The following PLAGL1 variants were observed in gnomAD, a reference collection of about 807,000 sequenced individuals.
The protein encoded by PLAGL1 is zinc finger protein PLAGL1.
PLAGL1 carries 1 observed loss-of-function variant against 4.6 expected under a neutral mutation model. The observed-to-expected ratio is 0.22, with a 90% CI of 0.08 to 1.03. The LOEUF (loss-of-function observed/expected upper bound fraction) is 1.03, where lower values mean the gene tolerates loss of function less well. Among genes scored for constraint, PLAGL1 ranks in the 50% least tolerant of loss-of-function variants. The probability of loss-of-function intolerance (pLI) is 0.58; values close to 1 mark genes in which losing one functional copy is unlikely to be tolerated. For missense variants in PLAGL1, 464 were observed against 570.4 expected, an observed-to-expected ratio of 0.81 and a Z score of 1.90; for synonymous variants, 240 against 237.8, an observed-to-expected ratio of 1.01 and a Z score of -0.08.
chr6:144,058,211 T>C (rs1799130890), intron 1 of PLAGL1, among the ~76,000 whole-genome samples: 1 of 152,174 alleles, frequency 6.6e-6, no homozygotes, highest in African/African-American at 2.4e-5. Context: ...GGACCCAGCA[T>C]GTCACATGAT....
chr6:143,985,570 AAAT>A lies in PLAGL1; in HGVS notation c.-583-399_-583-397del, dbSNP rs1788829494. Among the ~76,000 whole-genome samples, 1 of 152,120 alleles carries A rather than the reference AAAT, an allele frequency of 6.6e-6. No homozygotes were observed. Among genetic ancestry groups the A allele is most frequent in the African/African-American group, 2.4e-5 (1 of 41,424 alleles). Reference sequence around the variant, plus strand: ...CATTGCACATCTATTTTTAACACTAAAATAATAACAGCCATTTACAAAAAGTAT... The same window carrying A: ...CATTGCACATCTATTTTTAACACTAAAATAACAGCCATTTACAAAAAGTAT... On this transcript the variant is annotated intron_variant, in intron 1 of 7. Transcript: ENST00000674357. The surrounding 1 kb of genome is among the most constrained non-coding windows in gnomAD (Gnocchi z 4.4).
chr6:143,990,568 C>T lies in PLAGL1; in HGVS notation c.-583-5394G>A, dbSNP rs1301560805. On this transcript the variant is annotated intron_variant, in intron 1 of 7. Coordinates refer to ENST00000674357, the MANE Select transcript of PLAGL1 (RefSeq NM_001317162.2). This position sits in a 1 kb window ranked among gnomAD's most constrained non-coding sequence, Gnocchi z 5.4. Reference sequence around the variant, plus strand: ...CCCACTCACTTTCCAACCCATTCCCCAGGCTCTTATCTCTACCACTCTATC... The same window carrying T: ...CCCACTCACTTTCCAACCCATTCCCTAGGCTCTTATCTCTACCACTCTATC... Among the ~76,000 whole-genome samples the T allele has an allele frequency of 6.6e-6, 1 of 152,190 alleles. No homozygotes were observed. The highest frequency in any genetic ancestry group is 1.5e-5 in the Non-Finnish European group (1 of 68,028).
chr6:144,027,284 AAAGAAAG>A lies in PLAGL1; in HGVS notation c.-151+37177_-151+37183del, dbSNP rs1796440333. ...GAAAGAAAGAAAGAAAGAAAGAAAG[AAAGAAAG>A]AAAGTTATTTGATCTGAAGTACAAT... On this transcript the variant is annotated intron_variant, in intron 1 of 3. Transcript: ENST00000437412. The surrounding 1 kb of genome is among the most constrained non-coding windows in gnomAD (Gnocchi z 5.8). Among the ~76,000 whole-genome samples the A allele has an allele frequency of 6.9e-6, 1 of 145,282 alleles. No homozygotes were observed. The highest frequency in any genetic ancestry group is 2.2e-4 in the South Asian group (1 of 4,532).
Position 144,055,160 on chromosome 6 carries a change from C to T in PLAGL1, c.-151+9308G>A, listed in dbSNP as rs186107221. ...TTGAAAAAGAAATGTCTAATGAGCA[C>T]GGAGAGGCATATCCACAGATATTCA... is the stretch of plus-strand genomic sequence containing the variant. On this transcript the variant is annotated intron_variant, in intron 1 of 3. Transcript: ENST00000437412. This position sits in a 1 kb window ranked among gnomAD's most constrained non-coding sequence, Gnocchi z 5.0. Among the ~76,000 whole-genome samples, 35 of 152,080 alleles carry T rather than the reference C, an allele frequency of 2.3e-4. No individual in the cohort carries two copies. The highest frequency in any genetic ancestry group is 2.5e-4 in the Non-Finnish European group (17 of 67,988).
chr6:144,025,110 G>A (rs1325472670), intron 1 of PLAGL1, among the ~76,000 whole-genome samples: 1 of 152,078 alleles, frequency 6.6e-6, no homozygotes, highest in African/African-American at 2.4e-5. Context: ...GGTGATCAAG[G>A]TCAACGTCAA....
rs1224377123 is a variant in PLAGL1, at chr6:144,036,083, A to G, written c.-151+28385T>C. Among the ~76,000 whole-genome samples, 1 of 152,152 alleles carries G rather than the reference A, an allele frequency of 6.6e-6. No homozygotes were observed. The highest frequency in any genetic ancestry group is 1.5e-5 in the Non-Finnish European group (1 of 68,012). On this transcript the variant is annotated intron_variant, in intron 1 of 3. Transcript: ENST00000437412. This position sits in a 1 kb window ranked among gnomAD's most constrained non-coding sequence, Gnocchi z 5.1. ...ACTCCAACCCCAAGAAAGTGCTTCAAGGACACCCCAGGTGGACCCAGAGGG... is the reference window on the plus strand; with the variant it reads ...ACTCCAACCCCAAGAAAGTGCTTCAGGGACACCCCAGGTGGACCCAGAGGG...
intron 7 of PLAGL1, among the ~76,000 whole-genome samples, chr6:143,944,049 C>G (rs868303962): frequency 1.3e-5 from 2 of 152,204 alleles, no homozygotes; most frequent in Non-Finnish European, 2.9e-5. Context: ...AGCTTCATAT[C>G]CCTCAGGGCA....
Position 143,979,534 on chromosome 6 carries a change from C to A in PLAGL1, c.-544+5601G>T, listed in dbSNP as rs1399339842. 6.6e-6 allele frequency among the ~76,000 whole-genome samples: 1 copy of A among 151,886 alleles called. No individual in the cohort carries two copies. Among genetic ancestry groups the A allele is most frequent in the African/African-American group, 2.4e-5 (1 of 41,380 alleles). Reference sequence around the variant, plus strand: ...GTTGCTGTAGAGTTTATAGTTATATCTTTAACTTACCATGGTGTACTTCCA... The same window carrying A: ...GTTGCTGTAGAGTTTATAGTTATATATTTAACTTACCATGGTGTACTTCCA... On this transcript the variant is annotated intron_variant, in intron 2 of 7. Coordinates refer to ENST00000674357, the MANE Select transcript of PLAGL1 (RefSeq NM_001317162.2). This position sits in a 1 kb window ranked among gnomAD's most constrained non-coding sequence, Gnocchi z 4.6.
At chr6:144,045,216 T>A (rs1798050784) in intron 1 of PLAGL1, among the ~76,000 whole-genome samples, 1 of 152,130 alleles carries the variant, frequency 6.6e-6, no homozygotes, top group Admixed American at 6.5e-5. Flanking sequence ...GTGAATTTGA[T>A]CCTGTCATTA....
chr6:143,987,348 G>A (rs1377659682), intron 1 of PLAGL1, among the ~76,000 whole-genome samples: 12 of 150,918 alleles, frequency 8.0e-5, no homozygotes, highest in Admixed American at 7.9e-4. Flanking sequence ...AGAGTTAATG[G>A]CAGGTTGGCT....
At position 144,054,776 on chromosome 6, in the gene PLAGL1, A is replaced by AGTGTGTGTGT. The variant is rs55975441; in HGVS notation, c.-151+9682_-151+9691dup. 3.7e-3 allele frequency among the ~76,000 whole-genome samples: 527 copies of AGTGTGTGTGT among 142,270 alleles called. 3 individuals are homozygous for AGTGTGTGTGT. Among genetic ancestry groups the AGTGTGTGTGT allele is most frequent in the African/African-American group, 9.1e-3 (350 of 38,416 alleles). 93.3% of individuals were successfully genotyped at this position (142,270 alleles called of 152,430 possible). A position where few individuals can be genotyped will look rare whatever the true frequency, so the allele number is the denominator to read the frequency against. ...AAAAGAAAAAGAAAAACTAAAAAAG[A>AGTGTGTGTGT]GTGTGTGTGTGTGTGTGTGTGTGTG... On this transcript the variant is annotated intron_variant, in intron 1 of 3. Transcript: ENST00000437412.
chr6:144,011,056 A>G (rs184223871), upstream of PLAGL1, among the ~76,000 whole-genome samples: 586 of 152,358 alleles, frequency 3.8e-3, 2 homozygotes, highest in Non-Finnish European at 5.7e-3. The surrounding 1 kb of genome is among the most constrained non-coding windows in gnomAD (Gnocchi z 4.3). Context: ...GGCAGAGTTC[A>G]TAACTAAAAC....
rs1257367926 is a variant in PLAGL1 at position 144,034,521 on chromosome 6, AG to A, written c.-151+29946del. Reference sequence around the variant, plus strand: ...TTTCCTTTGTATCCTCCTCTCATTCAGGGGGTTCAATAAATCATCTGCCAGA... The same window carrying A: ...TTTCCTTTGTATCCTCCTCTCATTCAGGGGTTCAATAAATCATCTGCCAGA... On this transcript the variant is annotated intron_variant, in intron 1 of 3. Transcript: ENST00000437412. This position sits in a 1 kb window ranked among gnomAD's most constrained non-coding sequence, Gnocchi z 4.7. 2.6e-5 allele frequency among the ~76,000 whole-genome samples: 4 copies of A among 152,188 alleles called. No individual in the cohort carries two copies. The highest frequency in any genetic ancestry group is 5.9e-5 in the Non-Finnish European group (4 of 68,030).
At chr6:144,054,119 C>G (rs1798769320) in intron 1 of PLAGL1, among the ~76,000 whole-genome samples, 1 of 151,890 alleles carries the variant, frequency 6.6e-6, no homozygotes, top group African/African-American at 2.4e-5. Flanking sequence ...TAACATACCA[C>G]ATGCATGAAA....
chr6:144,009,622 C>T (rs146665755), upstream of PLAGL1, among the ~76,000 whole-genome samples: 20,638 of 152,170 alleles, frequency 0.14, 1,837 homozygotes, highest in Admixed American at 0.26. Context: ...CTCATCAACC[C>T]GTCATCTACA....
At position 144,063,095 on chromosome 6, in the gene PLAGL1, TC is replaced by T. The variant is rs1405921461; in HGVS notation, c.-151+1372del. On this transcript the variant is annotated intron_variant, in intron 1 of 3. Coordinates refer to the PLAGL1 transcript ENST00000437412. The surrounding 1 kb of genome is among the most constrained non-coding windows in gnomAD (Gnocchi z 5.7). ...GATCACCTGAAAACCAGCCCTCCTTTCCTTCCCGTGGCAAGGGTATCCTGCC... is the reference window on the plus strand; with the variant it reads ...GATCACCTGAAAACCAGCCCTCCTTTCTTCCCGTGGCAAGGGTATCCTGCC... Among the ~76,000 whole-genome samples the T allele has an allele frequency of 6.6e-6, 1 of 152,124 alleles. No homozygotes were observed. The highest frequency in any genetic ancestry group is 1.5e-5 in the Non-Finnish European group (1 of 68,018).
rs1295891548 is a variant in PLAGL1 at position 143,995,317 on chromosome 6, T to A, written c.-583-10143A>T. Among the ~76,000 whole-genome samples the A allele has an allele frequency of 6.6e-6, 1 of 152,230 alleles. No individual in the cohort carries two copies. The highest frequency in any genetic ancestry group is 1.5e-5 in the Non-Finnish European group (1 of 68,034). On this transcript the variant is annotated intron_variant, in intron 1 of 7. Coordinates refer to ENST00000674357, the MANE Select transcript of PLAGL1 (RefSeq NM_001317162.2). This position sits in a 1 kb window ranked among gnomAD's most constrained non-coding sequence, Gnocchi z 4.4. ...TTGTATGCACGTATCAAGCTACCCT[T>A]TTCATATCATTCAATAAATGATGCA...
At position 143,965,584 on chromosome 6, in the gene PLAGL1, C is replaced by G. The variant is rs1784270428; in HGVS notation, c.-431+574G>C. On this transcript the variant is annotated intron_variant, in intron 4 of 7. Coordinates refer to ENST00000674357, the MANE Select transcript of PLAGL1 (RefSeq NM_001317162.2). This position sits in a 1 kb window ranked among gnomAD's most constrained non-coding sequence, Gnocchi z 7.5. ...TCTCCTTGGGGTTTGAGGCACAAAG[C>G]CCCCTCTAGCTATTTTAGTTATAAG... The G allele has an allele frequency of 6.6e-6, 1 of 152,182 alleles. No homozygotes were observed. The highest frequency in any genetic ancestry group is 2.4e-5 in the African/African-American group (1 of 41,430). 9.4% of individuals were successfully genotyped at this position (152,182 alleles called of 1,614,324 possible). A position where few individuals can be genotyped will look rare whatever the true frequency, so the allele number is the denominator to read the frequency against.
Position 144,039,797 on chromosome 6 carries a change from G to A in PLAGL1, c.-151+24671C>T, listed in dbSNP as rs1797576655. Among the ~76,000 whole-genome samples, 1 of 152,144 alleles carries A rather than the reference G, an allele frequency of 6.6e-6. No homozygotes were observed. Among genetic ancestry groups the A allele is most frequent in the African/African-American group, 2.4e-5 (1 of 41,422 alleles). ...AAATCCTAGACATATTTATGCATAT[G>A]TACACCAAGATATATCTGCAAGAAT... On this transcript the variant is annotated intron_variant, in intron 1 of 3. Transcript: ENST00000437412. The surrounding 1 kb of genome is among the most constrained non-coding windows in gnomAD (Gnocchi z 4.1).
Sources: gnomAD v4.1 joint callset for allele counts (sites outside exome capture counted in the v4.1 genomes callset) on GRCh38, gnomAD v4.1.1 for gene constraint, Gnocchi (gnomAD v3.1) non-coding constraint, MANE v1.5 for transcripts, NCBI Gene and HGNC (gene_info 2026-07-23, HGNC 2026-07-21) for gene names.